Variants in NKAIN2 observed in about 807,000 individuals in gnomAD.
The protein encoded by NKAIN2 is sodium/potassium transporting ATPase interacting 2.
In NKAIN2, 14 loss-of-function variants were observed where a neutral mutation model predicts 32.6. The ratio of observed to expected loss-of-function variants is 0.43; its 90% CI spans 0.28 to 0.67. NKAIN2 has a LOEUF of 0.67. Among genes scored for constraint, NKAIN2 ranks in the 30% least tolerant of loss-of-function variants. The probability of loss-of-function intolerance (pLI) is 0.17; values close to 1 mark genes in which losing one functional copy is unlikely to be tolerated. For synonymous variants in NKAIN2, 80 were observed against 87.2 expected, an observed-to-expected ratio of 0.92 and a Z score of 0.46; for missense variants, 198 against 258.3, an observed-to-expected ratio of 0.77 and a Z score of 1.60.
chr6:124,464,619 A>T (rs1776668009), intron 3 of NKAIN2, among the ~76,000 whole-genome samples: 1 of 152,078 alleles, frequency 6.6e-6, no homozygotes, highest in African/African-American at 2.4e-5. Context: ...GTGTTGTAAC[A>T]AAGCACTTAC....
At chr6:124,170,858 C>T (rs1788808174) in intron 1 of NKAIN2, among the ~76,000 whole-genome samples, 1 of 152,066 alleles carries the variant, frequency 6.6e-6, no homozygotes, top group African/African-American at 2.4e-5. Context: ...TTTCGGTAAA[C>T]TGATAATTTT....
chr6:123,831,369 G>C lies in NKAIN2; in HGVS notation c.54+27115G>C, dbSNP rs537791218. Among the ~76,000 whole-genome samples, 46 of 151,040 alleles carry C rather than the reference G, an allele frequency of 3.0e-4. 1 individual carries two copies. In the South Asian group the frequency reaches 9.2e-3, roughly 30 times the overall value. On this transcript the variant is annotated intron_variant, in intron 1 of 6. Coordinates refer to ENST00000368417, the MANE Select transcript of NKAIN2 (RefSeq NM_001040214.3). Reference sequence around the variant, plus strand: ...ATATTTAAATCTTTTATATAGCCATGATTCTCAAAAGTATCCTTGGCAATA... The same window carrying C: ...ATATTTAAATCTTTTATATAGCCATCATTCTCAAAAGTATCCTTGGCAATA...
At chr6:124,588,884 A>G (rs888716779) in intron 3 of NKAIN2, among the ~76,000 whole-genome samples, 3 of 152,156 alleles carry the variant, frequency 2.0e-5, no homozygotes, top group African/African-American at 7.2e-5. Context: ...ATCTTATCTT[A>G]TAATAAAAAT....
intron 3 of NKAIN2, among the ~76,000 whole-genome samples, chr6:124,523,399 A>C (rs1293679596): frequency 2.0e-5 from 3 of 151,834 alleles, no homozygotes. Context: ...CCTTGGGAGG[A>C]GCCATGTTGA....
chr6:124,787,350 C>T (rs1262752352), intron 4 of NKAIN2, among the ~76,000 whole-genome samples: 1 of 152,006 alleles, frequency 6.6e-6, no homozygotes, highest in African/African-American at 2.4e-5. Flanking sequence ...AAAAAGAAGA[C>T]CCGGGAAGTA....
chr6:124,241,939 C>T (rs561877284), intron 1 of NKAIN2, among the ~76,000 whole-genome samples: 4 of 151,982 alleles, frequency 2.6e-5, no homozygotes, highest in Admixed American at 2.6e-4. Flanking sequence ...GACCTAAAAC[C>T]ATAAAAACCC....
intron 1 of NKAIN2, among the ~76,000 whole-genome samples, chr6:123,888,721 T>A (rs1489291047): frequency 6.6e-6 from 1 of 152,154 alleles, no homozygotes; most frequent in Non-Finnish European, 1.5e-5. Flanking sequence ...TTCTACCTAG[T>A]CAGCGGCCAA....
chr6:124,079,267 G>A (rs945419131), intron 1 of NKAIN2, among the ~76,000 whole-genome samples: 2 of 152,062 alleles, frequency 1.3e-5, no homozygotes, highest in East Asian at 1.9e-4. Context: ...GTAGTGACCC[G>A]AGATCATGCC....
At chr6:123,843,375 G>A (rs1180838545) in intron 1 of NKAIN2, among the ~76,000 whole-genome samples, 2 of 152,092 alleles carry the variant, frequency 1.3e-5, no homozygotes. Flanking sequence ...GTTTGGCTGG[G>A]GATGAACCAT....
At chr6:124,377,306 C>A (rs2114353293) in intron 3 of NKAIN2, among the ~76,000 whole-genome samples, 1 of 152,244 alleles carries the variant, frequency 6.6e-6, no homozygotes, top group African/African-American at 2.4e-5. Context: ...TTTTGAGAAT[C>A]AATTACATGG....
chr6:124,331,246 A>G (rs1797637086), intron 2 of NKAIN2, among the ~76,000 whole-genome samples: 1 of 150,758 alleles, frequency 6.6e-6, no homozygotes, highest in Non-Finnish European at 1.5e-5. Context: ...TCACGCCTAT[A>G]ATCCCAGCAC....
At chr6:123,989,201 G>A (rs549102156) in intron 1 of NKAIN2, among the ~76,000 whole-genome samples, 82 of 152,230 alleles carry the variant, frequency 5.4e-4, no homozygotes, top group African/African-American at 1.8e-3. Flanking sequence ...TTGACAAATC[G>A]AATGGCTCTG....
At chr6:124,600,586 G>T (rs765145575) in intron 3 of NKAIN2, among the ~76,000 whole-genome samples, 1 of 151,956 alleles carries the variant, frequency 6.6e-6, no homozygotes, top group Non-Finnish European at 1.5e-5. Context: ...TTCAGTATTG[G>T]AGGAATCCAT....
intron 1 of NKAIN2, among the ~76,000 whole-genome samples, chr6:123,891,529 A>G (rs1434937830): frequency 6.6e-6 from 1 of 152,180 alleles, no homozygotes; most frequent in Non-Finnish European, 1.5e-5. Context: ...GCTGTTCAGC[A>G]ATACTTAGTG....
chr6:124,368,251 G>T (rs1171692647), intron 3 of NKAIN2, among the ~76,000 whole-genome samples: 1 of 152,074 alleles, frequency 6.6e-6, no homozygotes, highest in Non-Finnish European at 1.5e-5. Flanking sequence ...CCACACAAAT[G>T]TTGGCCTTCC....
intron 1 of NKAIN2, among the ~76,000 whole-genome samples, chr6:124,169,857 G>A (rs1020445900): frequency 6.6e-6 from 1 of 152,098 alleles, no homozygotes; most frequent in African/African-American, 2.4e-5. Flanking sequence ...TTCAGAAATC[G>A]CAGAGAAAGA....
chr6:124,427,099 C>A (rs567322105), intron 3 of NKAIN2, among the ~76,000 whole-genome samples: 37 of 152,268 alleles, frequency 2.4e-4, no homozygotes, highest in African/African-American at 8.9e-4. Context: ...CAATTCATTT[C>A]TTTAAAAGTT....
chr6:124,119,172 T>C (rs1023647915), intron 1 of NKAIN2, among the ~76,000 whole-genome samples: 7 of 152,184 alleles, frequency 4.6e-5, no homozygotes, highest in African/African-American at 1.7e-4. Flanking sequence ...GTGGTTGATA[T>C]CTTCATTTAA....
intron 4 of NKAIN2, among the ~76,000 whole-genome samples, chr6:124,751,195 A>G (rs540445397): frequency 6.6e-6 from 1 of 152,114 alleles, no homozygotes; most frequent in African/African-American, 2.4e-5. Flanking sequence ...CTCCCATAGA[A>G]ACTGGGAGAT....
Sources: gnomAD v4.1 joint callset for allele counts (sites outside exome capture counted in the v4.1 genomes callset) on GRCh38, gnomAD v4.1.1 for gene constraint, MANE v1.5 for transcripts, NCBI Gene and HGNC (gene_info 2026-07-23, HGNC 2026-07-21) for gene names.